The following LSAMP variants were observed in gnomAD, a reference collection of about 807,000 sequenced individuals.
LSAMP encodes limbic system-associated membrane protein.
A neutral mutation model predicts 38.6 loss-of-function variants in LSAMP; 7 were observed. That is an observed-to-expected ratio of 0.18 (90% CI 0.10 to 0.34). The LOEUF is 0.34. LSAMP is among the 10% of genes least tolerant of loss of function. LSAMP has a pLI of 1.00. For missense variants in LSAMP, 313 were observed against 420.0 expected, an observed-to-expected ratio of 0.75 and a Z score of 2.23; for synonymous variants, 154 against 166.8, an observed-to-expected ratio of 0.92 and a Z score of 0.59.
chr3:116,163,801 T>G (rs1296136391), intron 1 of LSAMP, among the ~76,000 whole-genome samples: 1 of 152,200 alleles, frequency 6.6e-6, no homozygotes. Flanking sequence ...CATGCCACAT[T>G]TTTCATATTC....
At chr3:115,900,531 A>AG (rs1385756568) in intron 3 of LSAMP, among the ~76,000 whole-genome samples, 1 of 151,926 alleles carries the variant, frequency 6.6e-6, no homozygotes, top group Non-Finnish European at 1.5e-5. Flanking sequence ...AAAAAAAAAA[A>AG]AAATGCTAAT....
intron 1 of LSAMP, among the ~76,000 whole-genome samples, chr3:116,103,817 G>A (rs1424715077): frequency 6.6e-6 from 1 of 152,028 alleles, no homozygotes; most frequent in Non-Finnish European, 1.5e-5. Flanking sequence ...GTGTATCAGT[G>A]CAGTAATGAT....
chr3:116,254,900 C>T (rs182884980), intron 1 of LSAMP, among the ~76,000 whole-genome samples: 100 of 152,228 alleles, frequency 6.6e-4, no homozygotes, highest in African/African-American at 2.3e-3. Context: ...TCTATATCCT[C>T]GGAATTGATT....
At chr3:116,120,246 C>A (rs1330776429) in intron 1 of LSAMP, among the ~76,000 whole-genome samples, 2 of 152,080 alleles carry the variant, frequency 1.3e-5, no homozygotes, top group Non-Finnish European at 2.9e-5. Context: ...ATCAGCTCAG[C>A]CAGGGAAATG....
intron 1 of LSAMP, among the ~76,000 whole-genome samples, chr3:116,252,310 G>C (rs2046694338): frequency 6.6e-6 from 1 of 152,136 alleles, no homozygotes; most frequent in South Asian, 2.1e-4. Context: ...AAATGTGCTG[G>C]AGAAAGAACT....
intron 4 of LSAMP, among the ~76,000 whole-genome samples, chr3:115,849,919 C>T (rs1935276420): frequency 6.6e-6 from 1 of 152,126 alleles, no homozygotes; most frequent in Non-Finnish European, 1.5e-5. Context: ...ATGTTGAGGG[C>T]AGAGTTTATC....
At chr3:116,039,973 G>C (rs536203350) in intron 2 of LSAMP, among the ~76,000 whole-genome samples, 1 of 151,658 alleles carries the variant, frequency 6.6e-6, no homozygotes, top group Non-Finnish European at 1.5e-5. Flanking sequence ...GGTAACAGCA[G>C]CTCTTTACTC....
At chr3:116,261,335 A>T (rs2046822684) in intron 1 of LSAMP, among the ~76,000 whole-genome samples, 1 of 152,144 alleles carries the variant, frequency 6.6e-6, no homozygotes, top group African/African-American at 2.4e-5. Context: ...ATTGCAGCTC[A>T]CCTTACCTTA....
At position 116,340,291 on chromosome 3, in the gene LSAMP, T is replaced by C. The variant is rs769497901; in HGVS notation, c.155+104586A>G. 3.3e-5 allele frequency among the ~76,000 whole-genome samples: 5 copies of C among 152,180 alleles called. No individual in the cohort carries two copies. In the East Asian group the frequency reaches 9.7e-4, roughly 29 times the overall value. ...ACATGTTGCCTGTTACATATGAGAA[T>C]AAATTCTCACAGTGAAAATTTAATA... is the stretch of plus-strand genomic sequence containing the variant. On this transcript the variant is annotated intron_variant, in intron 1 of 6. Transcript: ENST00000490035.
Position 116,009,071 on chromosome 3 carries a change from G to C in LSAMP, c.514+10444C>G, listed in dbSNP as rs184997349. On this transcript the variant is annotated intron_variant, in intron 3 of 6. Coordinates refer to ENST00000490035, the MANE Select transcript of LSAMP (RefSeq NM_002338.5). The stretch of plus-strand genomic sequence containing the variant: ...AAAACTATTATTATTTTCATTCTCT[G>C]AACCACCTCTCAATCTCTAGGCTGA... 8.7e-4 allele frequency among the ~76,000 whole-genome samples: 133 copies of C among 152,160 alleles called. 1 individual carries two copies. Among genetic ancestry groups the C allele is most frequent in the African/African-American group, 3.2e-3 (132 of 41,524 alleles).
intron 1 of LSAMP, among the ~76,000 whole-genome samples, chr3:116,112,982 T>C (rs74761291): frequency 2.6e-5 from 4 of 152,034 alleles, no homozygotes; most frequent in Non-Finnish European, 4.4e-5. Context: ...TTTTTTTTTT[T>C]AGTAGATTCA....
At chr3:115,867,568 G>A (rs374760621) in intron 3 of LSAMP, among the ~76,000 whole-genome samples, 2 of 152,090 alleles carry the variant, frequency 1.3e-5, no homozygotes, top group South Asian at 4.2e-4. Flanking sequence ...AAAACATGAG[G>A]GAGAAGCCCT....
chr3:116,436,992 T>C (rs1265973599), intron 1 of LSAMP, among the ~76,000 whole-genome samples: 1 of 150,282 alleles, frequency 6.7e-6, no homozygotes, highest in African/African-American at 2.5e-5. Flanking sequence ...TATATATATA[T>C]GCATATATAT....
intron 3 of LSAMP, among the ~76,000 whole-genome samples, chr3:115,916,729 T>C (rs1937259681): frequency 1.3e-5 from 2 of 152,248 alleles, no homozygotes; most frequent in South Asian, 2.1e-4. Context: ...TCTGATCAAG[T>C]AGATACTATT....
intron 1 of LSAMP, among the ~76,000 whole-genome samples, chr3:116,386,652 T>A (rs1484024959): frequency 1.3e-5 from 2 of 152,126 alleles, no homozygotes; most frequent in African/African-American, 4.8e-5. Context: ...TTCATATTTT[T>A]TATAGAGATG....
intron 1 of LSAMP, among the ~76,000 whole-genome samples, chr3:116,335,728 G>A (rs1369475074): frequency 6.6e-6 from 1 of 151,968 alleles, no homozygotes; most frequent in African/African-American, 2.4e-5. Flanking sequence ...CCTACCTTAA[G>A]CATGCTCAGA....
At chr3:116,018,364 A>G (rs1224475331) in intron 3 of LSAMP, among the ~76,000 whole-genome samples, 2 of 152,186 alleles carry the variant, frequency 1.3e-5, no homozygotes, top group Non-Finnish European at 2.9e-5. Flanking sequence ...AAGACATTAT[A>G]AACAAATACT....
At chr3:116,058,482 A>C (rs914958080) in intron 2 of LSAMP, among the ~76,000 whole-genome samples, 9 of 152,038 alleles carry the variant, frequency 5.9e-5, no homozygotes, top group African/African-American at 2.2e-4. Context: ...AAAAATTAAA[A>C]AGTTTTTTAA....
chr3:115,841,816 C>A (rs758631303), intron 6 of LSAMP, 29 bp downstream of exon 6: 27 of 1,566,622 alleles, frequency 1.7e-5, no homozygotes, highest in Non-Finnish European at 2.3e-5. Flanking sequence ...TTAATTCCAT[C>A]AAGTTGGGCC....
Sources: allele counts gnomAD v4.1 joint callset (sites outside exome capture counted in the v4.1 genomes callset), GRCh38; gene constraint gnomAD v4.1.1; transcripts MANE v1.5; gene names NCBI Gene and HGNC (gene_info 2026-07-23, HGNC 2026-07-21).